The following ADAMTS6 variants were observed in gnomAD, a reference collection of about 807,000 sequenced individuals.
ADAMTS6 encodes ADAM metallopeptidase with thrombospondin type 1 motif 6, also known as A disintegrin and metalloproteinase with thrombospondin motifs 6.
Under a neutral mutation model 144.3 loss-of-function variants are expected in ADAMTS6, and 23 were observed. The observed-to-expected ratio is 0.16, with a 90% CI of 0.11 to 0.23. The LOEUF (loss-of-function observed/expected upper bound fraction) is 0.23. Among genes scored for constraint, ADAMTS6 ranks in the 10% least tolerant of loss-of-function variants. The probability of loss-of-function intolerance (pLI) is 1.00; values close to 1 mark genes in which losing one functional copy is unlikely to be tolerated. For synonymous variants in ADAMTS6, 444 were observed against 457.5 expected, an observed-to-expected ratio of 0.97 and a Z score of 0.38; for missense variants, 999 against 1,379.6, an observed-to-expected ratio of 0.72 and a Z score of 4.37.
intron 3 of ADAMTS6, among the ~76,000 whole-genome samples, chr5:65,464,459 T>C (rs1272467740): frequency 6.6e-6 from 1 of 152,212 alleles, no homozygotes; most frequent in South Asian, 2.1e-4. Flanking sequence ...GTGGTTTCTA[T>C]TGGAGGCAAA....
intron 7 of ADAMTS6, among the ~76,000 whole-genome samples, chr5:65,350,083 A>G (rs921645380): frequency 6.6e-6 from 1 of 152,178 alleles, no homozygotes; most frequent in Non-Finnish European, 1.5e-5. Context: ...CTAATGAGCT[A>G]CTAGAATGAT....
chr5:65,351,703 G>A (rs1478377907), intron 7 of ADAMTS6, among the ~76,000 whole-genome samples: 2 of 152,086 alleles, frequency 1.3e-5, no homozygotes, highest in Non-Finnish European at 2.9e-5. Context: ...GATGGCTTGA[G>A]GCCAGGAATT....
At chr5:65,468,959 C>A (rs1760229084) in intron 3 of ADAMTS6, among the ~76,000 whole-genome samples, 1 of 152,106 alleles carries the variant, frequency 6.6e-6, no homozygotes, top group African/African-American at 2.4e-5. Flanking sequence ...AAGGCATGCT[C>A]TTCAAATTCC....
intron 7 of ADAMTS6, among the ~76,000 whole-genome samples, chr5:65,371,569 G>A (rs1263341011): frequency 6.6e-6 from 1 of 152,038 alleles, no homozygotes. Flanking sequence ...GAAGTTTAGA[G>A]AAAAAAGAAT....
chr5:65,442,362 C>T (rs1173097874), intron 7 of ADAMTS6, among the ~76,000 whole-genome samples: 2 of 152,004 alleles, frequency 1.3e-5, no homozygotes, highest in Non-Finnish European at 2.9e-5. Context: ...ATAAGATAAC[C>T]TAATTAGCCC....
intron 4 of ADAMTS6, 132 bp from the exon 5 acceptor site, chr5:65,453,050 T>C (rs186125225): frequency 2.0e-5 from 13 of 638,098 alleles, no homozygotes; most frequent in Non-Finnish European, 2.7e-5. Flanking sequence ...AATGAGAAAA[T>C]GCAGTAGTGA....
intron 18 of ADAMTS6, among the ~76,000 whole-genome samples, chr5:65,215,703 C>T (rs566645916): frequency 1.7e-4 from 26 of 152,078 alleles, no homozygotes; most frequent in Non-Finnish European, 2.8e-4. Context: ...TAGAAAGCAA[C>T]GAAAGGTTAA....
intron 23 of ADAMTS6, 73 bp from the exon 24 acceptor site, chr5:65,170,846 A>G: frequency 1.3e-6 from 2 of 1,487,992 alleles, no homozygotes; most frequent in Middle Eastern, 1.8e-4. Context: ...ATACTATGTC[A>G]TTTCAAATAC....
intron 7 of ADAMTS6, among the ~76,000 whole-genome samples, chr5:65,448,562 C>G (rs1758460224): frequency 6.6e-6 from 1 of 151,970 alleles, no homozygotes; most frequent in Non-Finnish European, 1.5e-5. Flanking sequence ...ATGCCATTCT[C>G]CTGCCTCAGC....
chr5:65,258,882 T>C (rs1352366134), intron 14 of ADAMTS6, among the ~76,000 whole-genome samples: 7 of 152,106 alleles, frequency 4.6e-5, no homozygotes. Context: ...ATATAAGATA[T>C]GAACCTGGAA....
intron 8 of ADAMTS6, 96 bp from the exon 9 acceptor site, chr5:65,329,579 C>G (rs920039376): frequency 9.6e-7 from 1 of 1,040,604 alleles, no homozygotes; most frequent in Admixed American, 3.1e-5. Flanking sequence ...TTAATAACCT[C>G]CATGCACAGA....
At chr5:65,189,311 T>C (rs923218126) in intron 21 of ADAMTS6, among the ~76,000 whole-genome samples, 3 of 152,232 alleles carry the variant, frequency 2.0e-5, no homozygotes, top group African/African-American at 7.2e-5. Flanking sequence ...ACTCATGATC[T>C]AAATCAGATC....
rs1186382356 is a variant in ADAMTS6 at position 65,149,170 on chromosome 5, A to G, written c.*2666T>C. 6.6e-6 allele frequency: 1 copy of G among 152,350 alleles called. No homozygotes were observed. The highest frequency in any genetic ancestry group is 2.4e-5 in the African/African-American group (1 of 41,430). The allele number at this position is 152,350 out of a possible 1,614,324, so 9.4% of individuals were successfully genotyped here. Reference sequence around the variant, plus strand: ...TATCCCAGTGGCAGATACTGCTCCCAGGTGTAGGGTACCAGTTTCCCTGGG... The same window carrying G: ...TATCCCAGTGGCAGATACTGCTCCCGGGTGTAGGGTACCAGTTTCCCTGGG... On this transcript the variant is annotated 3_prime_UTR_variant, in exon 25 of 25. Coordinates refer to ENST00000381055, the MANE Select transcript of ADAMTS6 (RefSeq NM_197941.4).
At chr5:65,443,532 G>A (rs1255191078) in intron 7 of ADAMTS6, among the ~76,000 whole-genome samples, 41 of 150,018 alleles carry the variant, frequency 2.7e-4, no homozygotes, top group Admixed American at 2.7e-3. Context: ...TGAGGTGGGA[G>A]GACTGCTTGA....
At chr5:65,417,729 G>C in intron 7 of ADAMTS6, among the ~76,000 whole-genome samples, 1 of 151,772 alleles carries the variant, frequency 6.6e-6, no homozygotes, top group Non-Finnish European at 1.5e-5. Context: ...ATAAATCATA[G>C]ATGACACAAA....
At chr5:65,254,385 A>G (rs1440919031) in intron 14 of ADAMTS6, among the ~76,000 whole-genome samples, 1 of 152,218 alleles carries the variant, frequency 6.6e-6, no homozygotes, top group East Asian at 1.9e-4. Flanking sequence ...ACAAAAAGAA[A>G]AAATTCTAAT....
intron 24 of ADAMTS6, among the ~76,000 whole-genome samples, chr5:65,154,215 A>T (rs1752284203): frequency 1.3e-5 from 2 of 152,182 alleles, no homozygotes; most frequent in African/African-American, 4.8e-5. Context: ...CTCAAAAAAC[A>T]AACAAACAAA....
rs1754941674 is a variant in ADAMTS6, at chr5:65,190,438, AAC to A, written c.2706-2220_2706-2219del. ...GCCAGCCATAGTGAAACTCTGATTC[AAC>A]TTTGCAACAGTGATTTCATCACCAA... is the stretch of plus-strand genomic sequence containing the variant. On this transcript the variant is annotated intron_variant, in intron 21 of 24. Transcript: ENST00000381055. Among the ~76,000 whole-genome samples the A allele has an allele frequency of 2.0e-5, 3 of 152,194 alleles. 1 individual carries two copies. Among genetic ancestry groups the A allele is most frequent in the Admixed American group, 2.0e-4 (3 of 15,276 alleles).
At chr5:65,367,800 G>C (rs1750443425) in intron 7 of ADAMTS6, among the ~76,000 whole-genome samples, 1 of 151,566 alleles carries the variant, frequency 6.6e-6, no homozygotes, top group Admixed American at 6.6e-5. Context: ...TTGTTTCCTG[G>C]GGAACAAACT....
Sources: allele counts gnomAD v4.1 joint callset (sites outside exome capture counted in the v4.1 genomes callset), GRCh38; gene constraint gnomAD v4.1.1; transcripts MANE v1.5; gene names NCBI Gene and HGNC (gene_info 2026-07-23, HGNC 2026-07-21).